Variants in LPGAT1 observed in about 807,000 individuals in gnomAD.
LPGAT1 encodes acyl-CoA:lysophosphatidylglycerol acyltransferase 1.
LPGAT1 carries 11 observed loss-of-function variants against 47.5 expected under a neutral mutation model. The ratio of observed to expected loss-of-function variants is 0.23; its 90% confidence interval spans 0.15 to 0.38. The LOEUF (loss-of-function observed/expected upper bound fraction) is 0.38. Among genes scored for constraint, LPGAT1 ranks in the 10% least tolerant of loss-of-function variants. The pLI is 1.00. For missense variants in LPGAT1, 293 were observed against 439.0 expected, an observed-to-expected ratio of 0.67 and a Z score of 2.97; for synonymous variants, 138 against 144.2, an observed-to-expected ratio of 0.96 and a Z score of 0.31.
Position 211,783,464 on chromosome 1 carries a change from C to T in LPGAT1, c.492G>A (p.Lys164=). ...SYRDQQLLLL[K]KHLENNYRSR... is the part of the protein sequence containing the mutation. ...TCCTGTAATTATTTTCTAAGTGCTT[C>T]TTGAGAAGCAGCAGCTGTTGGTCAC... Residue 164 remains lysine, a synonymous_variant, in exon 5 of 8, where the codon AAG becomes AAA. Transcript: ENST00000366997. The T allele has an allele frequency of 1.2e-6, 2 of 1,613,950 alleles. No homozygotes were observed. Among genetic ancestry groups the T allele is most frequent in the Non-Finnish European group, 8.5e-7 (1 of 1,179,962 alleles).
At chr1:211,761,189 G>C (rs1279890264) in intron 6 of LPGAT1, among the ~76,000 whole-genome samples, 2 of 152,146 alleles carry the variant, frequency 1.3e-5, no homozygotes, top group Non-Finnish European at 2.9e-5. Flanking sequence ...CTCTCACCAA[G>C]GGAAAGGATT....
At position 211,778,899 on chromosome 1, in the gene LPGAT1, AC is replaced by A; in HGVS notation, c.854+18del. On this transcript the variant is annotated intron_variant, in intron 6 of 7. Coordinates refer to ENST00000366997, the MANE Select transcript of LPGAT1 (RefSeq NM_014873.3). ...TAGTATTGTTGGATATATACTGAGTACTAATATAGAATTCTTACCTGTAATG... is the reference window on the plus strand; with the variant it reads ...TAGTATTGTTGGATATATACTGAGTATAATATAGAATTCTTACCTGTAATG... 1 of 1,565,274 alleles carries A rather than the reference AC, an allele frequency of 6.4e-7. No individual in the cohort carries two copies. Among genetic ancestry groups the A allele is most frequent in the Middle Eastern group, 1.7e-4 (1 of 5,808 alleles).
intron 2 of LPGAT1, among the ~76,000 whole-genome samples, chr1:211,813,526 C>T (rs146679789): frequency 1.3e-5 from 2 of 152,038 alleles, no homozygotes; most frequent in African/African-American, 4.8e-5. Context: ...GGTATTATGT[C>T]GGTACTTATG....
chr1:211,752,303 G>A (rs954225759), intron 6 of LPGAT1, among the ~76,000 whole-genome samples: 10 of 152,032 alleles, frequency 6.6e-5, no homozygotes, highest in Non-Finnish European at 1.5e-4. Context: ...TAAAGGGCCA[G>A]ACAGAAAATA....
chr1:211,816,213 C>T (rs1187086101), intron 2 of LPGAT1, among the ~76,000 whole-genome samples: 1 of 152,134 alleles, frequency 6.6e-6, no homozygotes, highest in Non-Finnish European at 1.5e-5. Context: ...AAGCTCAAGT[C>T]CTCTGTCTCA....
intron 2 of LPGAT1, among the ~76,000 whole-genome samples, chr1:211,794,934 A>G (rs1348668983): frequency 6.6e-6 from 1 of 152,198 alleles, no homozygotes; most frequent in Non-Finnish European, 1.5e-5. Context: ...GCAAAATGAC[A>G]TGTACACAAG....
intron 5 of LPGAT1, among the ~76,000 whole-genome samples, chr1:211,781,715 A>G (rs978994924): frequency 3.3e-5 from 5 of 152,248 alleles, no homozygotes; most frequent in Non-Finnish European, 5.9e-5. Flanking sequence ...GAATATGAAT[A>G]GAAATAGCAA....
At chr1:211,818,185 C>T (rs1240673049) in intron 2 of LPGAT1, among the ~76,000 whole-genome samples, 4 of 152,028 alleles carry the variant, frequency 2.6e-5, no homozygotes, top group Admixed American at 6.6e-5. Flanking sequence ...ACTACTAGGG[C>T]ATATAAATGC....
chr1:211,814,963 G>A (rs569381668), intron 2 of LPGAT1, among the ~76,000 whole-genome samples: 1 of 152,268 alleles, frequency 6.6e-6, no homozygotes, highest in East Asian at 1.9e-4. Flanking sequence ...AAACACTGTG[G>A]ACTTCTGTGA....
chr1:211,783,976 G>A (rs1658742745), intron 4 of LPGAT1, among the ~76,000 whole-genome samples: 1 of 152,196 alleles, frequency 6.6e-6, no homozygotes, highest in South Asian at 2.1e-4. Flanking sequence ...GCTATGAGGA[G>A]GTGACATTTG....
At chr1:211,766,911 T>G (rs569757064) in intron 6 of LPGAT1, among the ~76,000 whole-genome samples, 1 of 152,346 alleles carries the variant, frequency 6.6e-6, no homozygotes, top group African/African-American at 2.4e-5. Flanking sequence ...AACCCTGACT[T>G]ATTATGGTAA....
intron 1 of LPGAT1, chr1:211,829,749 G>GCC: frequency 1.0e-6 from 1 of 1,003,418 alleles, no homozygotes; most frequent in Non-Finnish European, 1.2e-6. Context: ...AGATACTGAG[G>GCC]ACCTCAGTCT....
chr1:211,753,070 T>C (rs2102488278), intron 6 of LPGAT1, among the ~76,000 whole-genome samples: 1 of 152,328 alleles, frequency 6.6e-6, no homozygotes, highest in South Asian at 2.1e-4. Context: ...TCCCCTTGCA[T>C]CAGACATTCT....
At chr1:211,820,237 T>C (rs1016581302) in intron 2 of LPGAT1, among the ~76,000 whole-genome samples, 2 of 151,908 alleles carry the variant, frequency 1.3e-5, no homozygotes, top group Non-Finnish European at 2.9e-5. Flanking sequence ...ACAAACCTCC[T>C]ACAAATAACA....
Position 211,801,155 on chromosome 1 carries a change from C to G in LPGAT1, c.239-7965G>C, listed in dbSNP as rs950867964. On this transcript the variant is annotated intron_variant, in intron 2 of 7. Coordinates refer to ENST00000366997, the MANE Select transcript of LPGAT1 (RefSeq NM_014873.3). ...GATGTGTGAAGGGCTCTATGTTATC[C>G]CCACTTCCAGCTTGAAACAAGGCAT... 8.5e-5 allele frequency among the ~76,000 whole-genome samples: 13 copies of G among 152,088 alleles called. 1 individual carries two copies. Among genetic ancestry groups the G allele is most frequent in the Non-Finnish European group, 1.5e-5 (1 of 68,018 alleles).
At chr1:211,807,852 G>T (rs959136983) in intron 2 of LPGAT1, among the ~76,000 whole-genome samples, 3 of 151,840 alleles carry the variant, frequency 2.0e-5, no homozygotes, top group Non-Finnish European at 2.9e-5. Context: ...GACATGACAT[G>T]AAAAACACAA....
rs1031492348 is a variant in LPGAT1, at chr1:211,747,209, T to C, written c.*2690A>G. The C allele has an allele frequency of 2.6e-5, 4 of 152,156 alleles. No individual in the cohort carries two copies. The highest frequency in any genetic ancestry group is 9.7e-5 in the African/African-American group (4 of 41,440). The allele number at this position is 152,156 out of a possible 1,614,324, so 9.4% of individuals were successfully genotyped here. A position where few individuals can be genotyped will look rare whatever the true frequency, so the allele number is the denominator to read the frequency against. On this transcript the variant is annotated 3_prime_UTR_variant, in exon 8 of 8. Coordinates refer to ENST00000366997, the MANE Select transcript of LPGAT1 (RefSeq NM_014873.3). ...ATACTGATTCTCTCTTTACCTTCTC[T>C]AGTGCAAGCAGGAGAACTCCAGTTA...
chr1:211,778,891 T>C, intron 6 of LPGAT1, 27 bp downstream of exon 6: 5 of 1,539,644 alleles, frequency 3.2e-6, no homozygotes, highest in African/African-American at 1.4e-5. Context: ...GTTGGATATA[T>C]ACTGAGTACT....
chr1:211,828,617 A>G (rs1660618191), intron 2 of LPGAT1, among the ~76,000 whole-genome samples: 2 of 152,248 alleles, frequency 1.3e-5, no homozygotes. Flanking sequence ...CTAACAGTAC[A>G]ATATCACGTT....
Sources: gnomAD v4.1 joint callset for allele counts (sites outside exome capture counted in the v4.1 genomes callset) on GRCh38, gnomAD v4.1.1 for gene constraint, MANE v1.5 for transcripts, NCBI Gene and HGNC (gene_info 2026-07-23, HGNC 2026-07-21) for gene names.